The following NVL variants were observed in gnomAD, a reference collection of about 807,000 sequenced individuals.
NVL encodes nuclear valosin-containing protein-like.
A neutral mutation model predicts 110.2 loss-of-function variants in NVL; 84 were observed. The observed-to-expected ratio is 0.76, with a 90% CI of 0.64 to 0.91. The LOEUF (loss-of-function observed/expected upper bound fraction) is 0.91, where lower values mean the gene tolerates loss of function less well. Among genes scored for constraint, NVL ranks in the 40% least tolerant of loss-of-function variants. NVL has a pLI of 0.00. For synonymous variants in NVL, 354 were observed against 361.1 expected, an observed-to-expected ratio of 0.98 and a Z score of 0.22; for missense variants, 882 against 1,035.9, an observed-to-expected ratio of 0.85 and a Z score of 2.04.
chr1:224,328,074 C>CG (rs1013271226), intron 1 of NVL, among the ~76,000 whole-genome samples: 1 of 151,848 alleles, frequency 6.6e-6, no homozygotes, highest in African/African-American at 2.4e-5. Context: ...ATTTCCCCCC[C>CG]CTTTTTTTTA....
intron 17 of NVL, among the ~76,000 whole-genome samples, chr1:224,273,609 C>T (rs1475011392): frequency 6.6e-6 from 1 of 152,084 alleles, no homozygotes. Context: ...TTTAGATTTA[C>T]CAGCTGACAG....
Position 224,261,622 on chromosome 1 carries a change from CAGA to C in NVL, c.2182+6409_2182+6411del, listed in dbSNP as rs1257971344. Among the ~76,000 whole-genome samples the C allele has an allele frequency of 2.0e-5, 3 of 152,088 alleles. No homozygotes were observed. In the East Asian group the frequency reaches 5.8e-4, roughly 29 times the overall value. Reference sequence around the variant, plus strand: ...AAGCAAAAGGAAGTTCGCTTATTTCCAGAAGAAGATGTGGACTTTGATATAGCA... The same window carrying C: ...AAGCAAAAGGAAGTTCGCTTATTTCCAGAAGATGTGGACTTTGATATAGCA... On this transcript the variant is annotated intron_variant, in intron 18 of 22. Coordinates refer to ENST00000281701, the MANE Select transcript of NVL (RefSeq NM_002533.4).
chr1:224,266,001 T>C (rs1485719033), intron 18 of NVL, among the ~76,000 whole-genome samples: 3 of 152,194 alleles, frequency 2.0e-5, no homozygotes, highest in African/African-American at 2.4e-5. Flanking sequence ...GTTATTAATA[T>C]ACTGCACATA....
intron 5 of NVL, among the ~76,000 whole-genome samples, chr1:224,309,156 GA>G (rs1192823150): frequency 6.6e-6 from 1 of 150,822 alleles, no homozygotes; most frequent in Non-Finnish European, 1.5e-5. Flanking sequence ...TGGTTGCTTC[GA>G]AAAAAAATAC....
chr1:224,259,098 T>C (rs1289509606), intron 18 of NVL, among the ~76,000 whole-genome samples: 1 of 151,678 alleles, frequency 6.6e-6, no homozygotes, highest in African/African-American at 2.4e-5. Flanking sequence ...TGAACATTTT[T>C]TTTTTTTTGA....
chr1:224,282,310 A>G (rs1571937959), intron 15 of NVL, among the ~76,000 whole-genome samples: 2 of 152,292 alleles, frequency 1.3e-5, no homozygotes, highest in East Asian at 3.9e-4. Flanking sequence ...AGAATTACTA[A>G]GGCTATAAAT....
intron 16 of NVL, among the ~76,000 whole-genome samples, chr1:224,278,255 G>A (rs1290972082): frequency 5.8e-5 from 8 of 137,628 alleles, no homozygotes; most frequent in South Asian, 2.3e-4. Flanking sequence ...TTTTTGAGGC[G>A]GAGTCTCACT....
intron 21 of NVL, chr1:224,232,003 G>C (rs1313272573): frequency 6.8e-6 from 1 of 146,954 alleles, no homozygotes; most frequent in Non-Finnish European, 1.5e-5. Flanking sequence ...CTCCAGCCTG[G>C]GCGACAGAGC....
intron 13 of NVL, among the ~76,000 whole-genome samples, chr1:224,288,270 T>C (rs1667057362): frequency 6.6e-6 from 1 of 152,216 alleles, no homozygotes; most frequent in Non-Finnish European, 1.5e-5. Context: ...AATATAAGCG[T>C]TGGCAAATAT....
chr1:224,233,230 A>G lies in NVL; in HGVS notation c.2426T>C (p.Met809Thr). 6.2e-7 allele frequency: 1 copy of G among 1,613,250 alleles called. No individual in the cohort carries two copies. The highest frequency in any genetic ancestry group is 8.5e-7 in the Non-Finnish European group (1 of 1,179,778). ...TTCATTTCCACTCTTCTGTCTTGCC[A>G]TTTCCTGTCTCAGGGCACAGATAGA... ...EASICALRQEMARQKSGNEKG... is the reference protein window; with the variant it reads ...EASICALRQETARQKSGNEKG... Residue 809 changes from methionine to threonine, a missense_variant, in exon 21 of 23, where the codon ATG becomes ACG. Physicochemically the swap from Met to Thr is moderately conservative, Grantham distance 81. This residue lies in a region of NVL where 126 missense variants were observed against 140.7 expected (regional missense o/e 0.90). Coordinates refer to ENST00000281701, the MANE Select transcript of NVL (RefSeq NM_002533.4).
At chr1:224,263,033 G>A (rs901165747) in intron 18 of NVL, among the ~76,000 whole-genome samples, 2 of 152,272 alleles carry the variant, frequency 1.3e-5, no homozygotes, top group Non-Finnish European at 2.9e-5. Context: ...AAGTTAATGG[G>A]CAGTGTTTAA....
chr1:224,241,989 G>A (rs1041833672), intron 19 of NVL, among the ~76,000 whole-genome samples: 10 of 151,712 alleles, frequency 6.6e-5, no homozygotes, highest in East Asian at 1.9e-4. Context: ...CCAAGACCAC[G>A]CCATTGCACT....
chr1:224,324,305 G>A (rs969684943), intron 2 of NVL, among the ~76,000 whole-genome samples: 2 of 152,198 alleles, frequency 1.3e-5, no homozygotes, highest in Non-Finnish European at 2.9e-5. Flanking sequence ...TATAGCACAT[G>A]CCTGTATTTT....
At chr1:224,236,639 G>T in intron 19 of NVL, 57 bp from the exon 20 acceptor site, 1 of 1,392,250 alleles carries the variant, frequency 7.2e-7, no homozygotes, top group South Asian at 1.2e-5. Flanking sequence ...TGCCGGGTGC[G>T]ATGGCTCATG....
In NVL at chr1:224,307,924, T is replaced by C. The variant is rs1669095945; in HGVS notation, c.615+67A>G. ...ACAAAACACAAGTATCTGATTGATA[T>C]TATATTCAACTAAAAGGTTGAAATG... On this transcript the variant is annotated intron_variant, in intron 6 of 22. Transcript: ENST00000281701. 25 of 1,431,842 alleles carry C rather than the reference T, an allele frequency of 1.7e-5. No homozygotes were observed. The South Asian group carries it at 3.0e-4, about 17-fold the overall frequency. 88.7% of individuals were successfully genotyped at this position (1,431,842 alleles called of 1,614,324 possible).
At chr1:224,319,530 T>TA (rs971049502) in intron 2 of NVL, among the ~76,000 whole-genome samples, 79 of 152,242 alleles carry the variant, frequency 5.2e-4, no homozygotes, top group African/African-American at 1.9e-3. Context: ...ACCCAGAGTC[T>TA]AGTCAAGGTT....
chr1:224,319,050 G>A lies in NVL; in HGVS notation c.132-1120C>T, dbSNP rs187705888. Among the ~76,000 whole-genome samples the A allele has an allele frequency of 2.1e-3, 303 of 145,832 alleles. 1 individual carries two copies. Among genetic ancestry groups the A allele is most frequent in the African/African-American group, 7.4e-3 (293 of 39,534 alleles). On this transcript the variant is annotated intron_variant, in intron 2 of 22. Transcript: ENST00000281701. ...CACACTTGTGGTCCCAGTTACTTGG[G>A]AGGCTGAGGCAGGAGAATCCCATGA...
At chr1:224,267,398 T>C (rs988123179) in intron 18 of NVL, among the ~76,000 whole-genome samples, 1 of 151,990 alleles carries the variant, frequency 6.6e-6, no homozygotes, top group African/African-American at 2.4e-5. Flanking sequence ...TGGTCAAAAG[T>C]GTATGCTGGT....
intron 14 of NVL, among the ~76,000 whole-genome samples, 193 bp from the exon 15 acceptor site, chr1:224,286,323 A>G (rs944071575): frequency 1.3e-5 from 2 of 150,830 alleles, no homozygotes; most frequent in Non-Finnish European, 2.9e-5. Flanking sequence ...CTCCCACCTT[A>G]GCCTCGTGAG....
Sources: gnomAD v4.1 joint callset for allele counts (sites outside exome capture counted in the v4.1 genomes callset) on GRCh38, gnomAD v4.1.1 for gene constraint, gnomAD v4.1.1 regional missense constraint, MANE v1.5 for transcripts, NCBI Gene and HGNC (gene_info 2026-07-23, HGNC 2026-07-21) for gene names.